Variants in NUP155 observed in about 807,000 individuals in gnomAD.
NUP155 encodes nuclear pore complex protein Nup155.
In NUP155, 71 loss-of-function variants were observed where a neutral mutation model predicts 180.4. That is an observed-to-expected ratio of 0.39 (90% CI 0.33 to 0.48). NUP155 has a LOEUF of 0.48. Among genes scored for constraint, NUP155 ranks in the 20% least tolerant of loss-of-function variants. The pLI is 0.91. For missense variants in NUP155, 1,553 were observed against 1,648.9 expected, an observed-to-expected ratio of 0.94 and a Z score of 1.01; for synonymous variants, 582 against 559.5, an observed-to-expected ratio of 1.04 and a Z score of -0.57.
At chr5:37,334,384 C>CTT (rs111817788) in intron 12 of NUP155, among the ~76,000 whole-genome samples, 2 of 145,900 alleles carry the variant, frequency 1.4e-5, no homozygotes, top group African/African-American at 5.0e-5. Flanking sequence ...CAGGCATTAC[C>CTT]TTTTTTTTTT....
chr5:37,336,848 C>T (rs1444206053), intron 12 of NUP155, among the ~76,000 whole-genome samples: 2 of 152,218 alleles, frequency 1.3e-5, no homozygotes, highest in Admixed American at 6.5e-5. Context: ...CTCCCACTTA[C>T]ACACACCTTT....
chr5:37,334,306 T>C (rs1436326697), intron 12 of NUP155, among the ~76,000 whole-genome samples: 1 of 152,052 alleles, frequency 6.6e-6, no homozygotes. Flanking sequence ...TTTTACCATG[T>C]TGCCCAGGAT....
intron 23 of NUP155, 80 bp from the exon 24 acceptor site, chr5:37,309,347 T>C: frequency 2.6e-6 from 3 of 1,165,414 alleles, no homozygotes; most frequent in Non-Finnish European, 3.7e-6. Flanking sequence ...TTTTAGTCTA[T>C]GTCTAAATTT....
At chr5:37,292,805 T>C (rs1184954658) in intron 34 of NUP155, 74 bp downstream of exon 34, 3 of 898,430 alleles carry the variant, frequency 3.3e-6, no homozygotes, top group Non-Finnish European at 5.6e-6. Context: ...CATCTTCTCT[T>C]CAAATTTTTT....
chr5:37,323,595 T>C (rs1429245706), intron 20 of NUP155, among the ~76,000 whole-genome samples: 3 of 149,224 alleles, frequency 2.0e-5, no homozygotes, highest in African/African-American at 7.4e-5. Context: ...CTATAAATAT[T>C]CCATTTATAT....
At position 37,314,142 on chromosome 5, in the gene NUP155, C is replaced by A. The variant is rs569598422; in HGVS notation, c.2436+56G>T. On this transcript the variant is annotated intron_variant, in intron 22 of 34. Transcript: ENST00000231498. ...CCCCTCCAAAGCCAAAATACTCATC[C>A]AAAAAATCCAAACATAGTATTAATG... The A allele has an allele frequency of 9.1e-6, 12 of 1,322,222 alleles. No individual in the cohort carries two copies. The East Asian group carries it at 3.0e-4, about 33-fold the overall frequency. 81.9% of individuals were successfully genotyped at this position (1,322,222 alleles called of 1,614,324 possible).
chr5:37,295,880 GGGTCAGCCCCCCGCCT>G (rs1426136233), intron 32 of NUP155, among the ~76,000 whole-genome samples: 1 of 147,708 alleles, frequency 6.8e-6, no homozygotes, highest in East Asian at 2.1e-4. Context: ...GGAGGTTGGG[GGGTCAGCCCCCCGCCT>G]GGCCAGCCGC....
At chr5:37,355,547 G>GTGTGTGTATA (rs977072922) in intron 4 of NUP155, among the ~76,000 whole-genome samples, 12 of 147,392 alleles carry the variant, frequency 8.1e-5, no homozygotes, top group African/African-American at 2.8e-4. Flanking sequence ...GTGTGTGTGT[G>GTGTGTGTATA]TATATATATA....
At chr5:37,326,917 T>C (rs1390588173) in intron 18 of NUP155, among the ~76,000 whole-genome samples, 1 of 152,172 alleles carries the variant, frequency 6.6e-6, no homozygotes, top group Non-Finnish European at 1.5e-5. Context: ...ACAGATTTTT[T>C]TCCCACCTAT....
intron 15 of NUP155, 97 bp from the exon 16 acceptor site, chr5:37,329,375 T>C: frequency 1.1e-6 from 1 of 887,860 alleles, no homozygotes; most frequent in East Asian, 2.5e-5. Flanking sequence ...TCCAAGTAAA[T>C]GCTTTAAACA....
intron 21 of NUP155, among the ~76,000 whole-genome samples, chr5:37,317,730 C>G (rs1246672724): frequency 6.7e-6 from 1 of 149,708 alleles, no homozygotes; most frequent in Admixed American, 6.7e-5. Context: ...CTCTGTCACC[C>G]AGGCTGGAGT....
Position 37,330,084 on chromosome 5 carries a change from C to G in NUP155, c.1678G>C (p.Ala560Pro). ...CAGGCAGATACTTCTCTATCACAGG[C>G]AGCAGTGGAGCAAGCAAGAATAAGG... ...TCLILACSTA[A>P]CDREVSAWAT... is the part of the protein sequence containing the mutation. Residue 560 changes from alanine (A) to proline (P), a missense_variant, in exon 15 of 35, where the codon GCC becomes CCC. Coordinates refer to ENST00000231498, the MANE Select transcript of NUP155 (RefSeq NM_153485.3). 6.2e-7 allele frequency: 1 copy of G among 1,613,780 alleles called. No individual in the cohort carries two copies. The highest frequency in any genetic ancestry group is 8.5e-7 in the Non-Finnish European group (1 of 1,179,868).
intron 27 of NUP155, among the ~76,000 whole-genome samples, chr5:37,304,018 T>G (rs999541844): frequency 2.6e-5 from 4 of 151,542 alleles, no homozygotes; most frequent in African/African-American, 9.7e-5. Flanking sequence ...GAAGCTGAGG[T>G]GGGCAGATCA....
At chr5:37,361,747 G>A (rs958258015) in intron 3 of NUP155, among the ~76,000 whole-genome samples, 1 of 152,136 alleles carries the variant, frequency 6.6e-6, no homozygotes, top group Non-Finnish European at 1.5e-5. Context: ...CTTGTGCCTT[G>A]ATTTTTTAAA....
intron 9 of NUP155, among the ~76,000 whole-genome samples, chr5:37,344,313 G>C (rs868427660): frequency 7.2e-6 from 1 of 138,990 alleles, no homozygotes; most frequent in Middle Eastern, 4.3e-3. Flanking sequence ...TGGCACTCCA[G>C]ACTGGGTGAC....
At chr5:37,315,296 G>A (rs1743811915) in intron 21 of NUP155, among the ~76,000 whole-genome samples, 1 of 152,094 alleles carries the variant, frequency 6.6e-6, no homozygotes, top group South Asian at 2.1e-4. Flanking sequence ...AACAATGGAA[G>A]GCAAAAGAAC....
intron 4 of NUP155, among the ~76,000 whole-genome samples, chr5:37,357,015 G>C (rs948207103): frequency 6.6e-6 from 1 of 152,160 alleles, no homozygotes; most frequent in Admixed American, 6.5e-5. Context: ...GCTGAGGCAA[G>C]AGAATCGCTC....
chr5:37,303,243 A>G lies in NUP155; in HGVS notation c.3317+17T>C, dbSNP rs1466729332. On this transcript the variant is annotated intron_variant, in intron 28 of 34. Coordinates refer to ENST00000231498, the MANE Select transcript of NUP155 (RefSeq NM_153485.3). ...CAGTTTTGAATCATTCTTCACAATA[A>G]GAATATTATGCCATACCTATGCATG... 1 of 1,613,470 alleles carries G rather than the reference A, an allele frequency of 6.2e-7. No homozygotes were observed. The highest frequency in any genetic ancestry group is 1.7e-4 in the Middle Eastern group (1 of 6,060).
chr5:37,364,330 C>T lies in NUP155; in HGVS notation c.212G>A (p.Gly71Asp). 6.2e-7 allele frequency: 1 copy of T among 1,611,412 alleles called. No homozygotes were observed. Among genetic ancestry groups the T allele is most frequent in the Non-Finnish European group, 8.5e-7 (1 of 1,177,594 alleles). ...SDMDYPLQGPGLLSVPNLPEI... is the reference protein window; with the variant it reads ...SDMDYPLQGPDLLSVPNLPEI... The stretch of plus-strand genomic sequence containing the variant: ...TGGAAGGTTGGGTACGGACAGCAAA[C>T]CAGGTCCTTGCAAAGGATAATCCAT... Residue 71 changes from glycine (G) to aspartate (D), a missense_variant, in exon 2 of 35, where the codon GGT becomes GAT. Transcript: ENST00000231498.
Sources: gnomAD v4.1 joint callset for allele counts (sites outside exome capture counted in the v4.1 genomes callset) on GRCh38, gnomAD v4.1.1 for gene constraint, MANE v1.5 for transcripts, NCBI Gene and HGNC (gene_info 2026-07-23, HGNC 2026-07-21) for gene names.